Variants in FAM20A observed in about 807,000 individuals in gnomAD.
The protein encoded by FAM20A is FAM20A golgi associated secretory pathway pseudokinase, also known as pseudokinase FAM20A.
In FAM20A, 42 loss-of-function variants were observed where a neutral mutation model predicts 52.0. The ratio of observed to expected loss-of-function variants is 0.81; its 90% CI spans 0.63 to 1.04. The LOEUF is 1.04. Ranked by LOEUF, FAM20A falls within the 50% of genes least tolerant of loss-of-function variation. The pLI, the probability that FAM20A is intolerant of heterozygous loss-of-function variation, is 0.00. For missense variants in FAM20A, 742 were observed against 712.7 expected, an observed-to-expected ratio of 1.04 and a Z score of -0.47; for synonymous variants, 304 against 298.9, an observed-to-expected ratio of 1.02 and a Z score of -0.18.
chr17:68,581,350 T>TTTCTTTCTTTCTTTCTTTCTTTC (rs2087941952), intron 1 of FAM20A, among the ~76,000 whole-genome samples: 2 of 92,218 alleles, frequency 2.2e-5, no homozygotes, highest in South Asian at 4.4e-4. Context: ...GAAATGCAGT[T>TTTCTTTCTTTCTTTCTTTCTTTC]TTTCTTTCTT....
At position 68,575,884 on chromosome 17, in the gene FAM20A, G is replaced by A. The variant is rs956999864; in HGVS notation, c.405-20141C>T. On this transcript the variant is annotated intron_variant, in intron 1 of 10. Transcript: ENST00000592554. ...CCACCGGGCAGGGCGTGATGTTTAG[G>A]CACTGCTGTTTCTGAGAACCAAGTC... is the stretch of plus-strand genomic sequence containing the variant. 2.7e-5 allele frequency among the ~76,000 whole-genome samples: 4 copies of A among 145,816 alleles called. No homozygotes were observed. The Admixed American group carries it at 2.9e-4, about 10-fold the overall frequency.
intron 4 of FAM20A, among the ~76,000 whole-genome samples, chr17:68,545,891 C>A (rs539821838): frequency 6.6e-6 from 1 of 152,166 alleles, no homozygotes; most frequent in Non-Finnish European, 1.5e-5. Context: ...CCTTATTGGT[C>A]GGGTGCGGTG....
intron 9 of FAM20A, 70 bp downstream of exon 9, chr17:68,539,815 C>T (rs2086209648): frequency 1.3e-6 from 2 of 1,497,602 alleles, no homozygotes; most frequent in East Asian, 2.3e-5. Flanking sequence ...TCTGTTTCCC[C>T]CGAGCAGCTG....
chr17:68,597,848 C>G (rs1478200997), intron 1 of FAM20A, among the ~76,000 whole-genome samples: 6 of 152,058 alleles, frequency 3.9e-5, no homozygotes, highest in African/African-American at 1.4e-4. Flanking sequence ...TGTCCTCGAC[C>G]CTGCACATAA....
chr17:68,593,792 T>C (rs2088374088), intron 1 of FAM20A, among the ~76,000 whole-genome samples: 1 of 152,238 alleles, frequency 6.6e-6, no homozygotes, highest in South Asian at 2.1e-4. Flanking sequence ...TGACCATTCC[T>C]TCTCACATGA....
intron 1 of FAM20A, among the ~76,000 whole-genome samples, chr17:68,556,671 T>C (rs189746157): frequency 2.1e-3 from 314 of 152,080 alleles, no homozygotes; most frequent in Non-Finnish European, 3.0e-3. Context: ...AACGGATGTA[T>C]CTGGGGATGA....
At chr17:68,599,916 G>A (rs2088562144) in intron 1 of FAM20A, among the ~76,000 whole-genome samples, 1 of 152,224 alleles carries the variant, frequency 6.6e-6, no homozygotes, top group African/African-American at 2.4e-5. Context: ...TCAGGACAGA[G>A]AGTGGGGTTT....
chr17:68,553,442 T>G (rs2086934502), intron 3 of FAM20A, among the ~76,000 whole-genome samples: 1 of 152,218 alleles, frequency 6.6e-6, no homozygotes, highest in South Asian at 2.1e-4. Flanking sequence ...TAGACATTTC[T>G]GATGTGTGTT....
At chr17:68,554,038 G>GCGTATATA (rs2086973518) in intron 3 of FAM20A, among the ~76,000 whole-genome samples, 1 of 116,282 alleles carries the variant, frequency 8.6e-6, no homozygotes, top group Non-Finnish European at 1.8e-5. Flanking sequence ...ATACACACAT[G>GCGTATATA]CATATATACA....
chr17:68,576,777 T>G (rs558079531), intron 1 of FAM20A, among the ~76,000 whole-genome samples: 27 of 152,366 alleles, frequency 1.8e-4, no homozygotes, highest in African/African-American at 6.5e-4. Flanking sequence ...TTTATCAAAG[T>G]GGCTAGACTT....
intron 1 of FAM20A, among the ~76,000 whole-genome samples, chr17:68,587,770 A>G (rs1171732505): frequency 6.6e-6 from 1 of 152,224 alleles, no homozygotes. Flanking sequence ...TACAATTTAA[A>G]AGAGCTTCAA....
intron 1 of FAM20A, among the ~76,000 whole-genome samples, chr17:68,593,426 C>G (rs1330401009): frequency 5.3e-5 from 8 of 152,348 alleles, no homozygotes; most frequent in Non-Finnish European, 7.3e-5. Context: ...GAAATTCCCT[C>G]TTTTCTTGGC....
rs891878409 is a variant in FAM20A at position 68,600,802 on chromosome 17, G to A, written c.-136C>T. 1 of 954,506 alleles carries A rather than the reference G, an allele frequency of 1.0e-6. No individual in the cohort carries two copies. The highest frequency in any genetic ancestry group is 1.5e-6 in the Non-Finnish European group (1 of 661,338). 59.1% of individuals were successfully genotyped at this position (954,506 alleles called of 1,614,324 possible). Reference sequence around the variant, plus strand: ...GGTCAGTGAGACCGGAATGCTCCCCGCGCGGGCTAGTCCCCTGTGGAGGGG... The same window carrying A: ...GGTCAGTGAGACCGGAATGCTCCCCACGCGGGCTAGTCCCCTGTGGAGGGG... On this transcript the variant is annotated 5_prime_UTR_variant, in exon 1 of 11. Coordinates refer to ENST00000592554, the MANE Select transcript of FAM20A (RefSeq NM_017565.4). The surrounding 1 kb of genome is among the most constrained non-coding windows in gnomAD (Gnocchi z 6.2).
intron 1 of FAM20A, among the ~76,000 whole-genome samples, chr17:68,581,402 CTTTCTTTCTTTCT>C (rs2087967809): frequency 7.0e-6 from 1 of 142,678 alleles, no homozygotes; most frequent in South Asian, 2.2e-4. Flanking sequence ...TTCTTTCTTT[CTTTCTTTCTTTCT>C]TTTTCTCTTT....
chr17:68,548,723 ATATTTTTTTTT>A (rs2086684951), intron 4 of FAM20A, among the ~76,000 whole-genome samples: 1 of 117,944 alleles, frequency 8.5e-6, no homozygotes, highest in Admixed American at 8.8e-5. Context: ...CTATGCCTGT[ATATTTTTTTTT>A]TTTTTTTTTT....
At chr17:68,583,879 C>T (rs1207980996) in intron 1 of FAM20A, among the ~76,000 whole-genome samples, 2 of 151,618 alleles carry the variant, frequency 1.3e-5, no homozygotes, top group Non-Finnish European at 2.9e-5. Context: ...GAGTGAGACT[C>T]CATCTCAAAA....
At chr17:68,563,853 T>C (rs571634479) in intron 1 of FAM20A, among the ~76,000 whole-genome samples, 1 of 152,332 alleles carries the variant, frequency 6.6e-6, no homozygotes, top group South Asian at 2.1e-4. Flanking sequence ...AGCATTAACC[T>C]TTCTTTGACT....
Position 68,595,240 on chromosome 17 carries a change from G to C in FAM20A, c.404+5023C>G, listed in dbSNP as rs1342136781. Among the ~76,000 whole-genome samples the C allele has an allele frequency of 3.3e-5, 5 of 152,210 alleles. No individual in the cohort carries two copies. In the South Asian group the frequency reaches 8.3e-4, roughly 25 times the overall value. ...GAACAGCCTCTGGTTCTCAGCTGAAGGGCTTCATTTTGATCTATTTGGAAG... is the reference window on the plus strand; with the variant it reads ...GAACAGCCTCTGGTTCTCAGCTGAACGGCTTCATTTTGATCTATTTGGAAG... On this transcript the variant is annotated intron_variant, in intron 1 of 10. Transcript: ENST00000592554.
rs1358751504 is a variant in FAM20A at position 68,540,950 on chromosome 17, ACCTC to A, written c.1114_1117del (p.Glu372SerfsTer9). The A allele has an allele frequency of 6.3e-7, 1 of 1,586,838 alleles. No homozygotes were observed. The highest frequency in any genetic ancestry group is 8.6e-7 in the Non-Finnish European group (1 of 1,165,558). On this transcript the variant is annotated frameshift_variant, in exon 8 of 11. Transcript: ENST00000592554. LOFTEE classifies it high-confidence loss of function. Reference sequence around the variant, plus strand: ...CACTGTGTCACAGTAAAGGGGATTGACCTCCCACCTGAGGGGGAGAAGAAGTCCT... The same window carrying A: ...CACTGTGTCACAGTAAAGGGGATTGACCACCTGAGGGGGAGAAGAAGTCCT...
Sources: gnomAD v4.1 joint callset for allele counts (sites outside exome capture counted in the v4.1 genomes callset) on GRCh38, gnomAD v4.1.1 for gene constraint, Gnocchi (gnomAD v3.1) non-coding constraint, MANE v1.5 for transcripts, NCBI Gene and HGNC (gene_info 2026-07-23, HGNC 2026-07-21) for gene names.